The following ARID1B variants were observed in gnomAD, a reference collection of about 807,000 sequenced individuals.
ARID1B encodes AT-rich interactive domain-containing protein 1B.
In ARID1B, 30 loss-of-function variants were observed where a neutral mutation model predicts 212.3. That is an observed-to-expected ratio of 0.14 (90% CI 0.11 to 0.19). ARID1B has a LOEUF of 0.19. Among genes scored for constraint, ARID1B ranks in the 10% least tolerant of loss-of-function variants. The probability of loss-of-function intolerance (pLI) is 1.00; values close to 1 mark genes in which losing one functional copy is unlikely to be tolerated. For missense variants in ARID1B, 2,891 were observed against 3,204.0 expected (o/e 0.90, Z 2.36); for synonymous variants, 1,402 against 1,301.7 (o/e 1.08, Z -1.66).
intron 4 of ARID1B, among the ~76,000 whole-genome samples, chr6:157,080,914 T>C (rs1337473564): frequency 2.0e-5 from 3 of 152,244 alleles, no homozygotes; most frequent in Admixed American, 6.5e-5. Context: ...AGAAGTTAAG[T>C]TATTTTTGGT....
chr6:156,890,379 GA>G (rs894390236), intron 2 of ARID1B, among the ~76,000 whole-genome samples: 14 of 152,042 alleles, frequency 9.2e-5, no homozygotes, highest in African/African-American at 3.1e-4. Flanking sequence ...AATTTGTCAC[GA>G]AAAAGACTTG....
intron 3 of ARID1B, among the ~76,000 whole-genome samples, chr6:156,932,514 A>T (rs1791832765): frequency 6.6e-6 from 1 of 152,262 alleles, no homozygotes; most frequent in African/African-American, 2.4e-5. Context: ...CAAAGATGGC[A>T]GTAATGTTTT....
intron 4 of ARID1B, among the ~76,000 whole-genome samples, chr6:157,033,391 T>TA (rs1171196269): frequency 2.0e-5 from 3 of 152,188 alleles, no homozygotes; most frequent in Admixed American, 2.0e-4. Flanking sequence ...TAGAACTATT[T>TA]AAAAAAATAA....
intron 1 of ARID1B, among the ~76,000 whole-genome samples, chr6:156,815,113 G>A (rs1486007697): frequency 4.6e-5 from 7 of 152,230 alleles, no homozygotes; most frequent in Admixed American, 2.0e-4. Flanking sequence ...AAAATTTCTG[G>A]TCATGGCTTT....
At chr6:156,828,796 T>C (rs9480393) in intron 1 of ARID1B, among the ~76,000 whole-genome samples, 14,726 of 152,310 alleles carry the variant, frequency 0.097, 971 homozygotes, top group East Asian at 0.3. Context: ...GACTCAGTTC[T>C]AAAATAAAAT....
chr6:156,944,573 C>T (rs1183612693), intron 4 of ARID1B, among the ~76,000 whole-genome samples: 1 of 152,148 alleles, frequency 6.6e-6, no homozygotes, highest in Non-Finnish European at 1.5e-5. Context: ...GAAAAAGCTG[C>T]AGGACGCCGA....
intron 1 of ARID1B, among the ~76,000 whole-genome samples, chr6:156,795,370 A>T (rs1780292844): frequency 6.6e-6 from 1 of 152,204 alleles, no homozygotes; most frequent in South Asian, 2.1e-4. Context: ...AGAGAAGGGG[A>T]AATCCAGGCA....
chr6:156,806,553 G>T (rs1273304206), intron 1 of ARID1B, among the ~76,000 whole-genome samples: 2 of 152,222 alleles, frequency 1.3e-5, no homozygotes, highest in Non-Finnish European at 2.9e-5. Flanking sequence ...TTTCCAAAGT[G>T]CTTTTCTTAT....
At chr6:156,998,759 C>A (rs941367599) in intron 4 of ARID1B, among the ~76,000 whole-genome samples, 1 of 152,168 alleles carries the variant, frequency 6.6e-6, no homozygotes, top group Admixed American at 6.5e-5. Flanking sequence ...GTCTGTTTAA[C>A]AATAGTAGGG....
intron 3 of ARID1B, among the ~76,000 whole-genome samples, chr6:156,924,538 C>T (rs554090173): frequency 3.3e-5 from 5 of 152,318 alleles, no homozygotes; most frequent in African/African-American, 4.8e-5. Context: ...GCGCCTGCAA[C>T]GTGGATTGCC....
intron 4 of ARID1B, among the ~76,000 whole-genome samples, chr6:157,014,566 T>C (rs1453760572): frequency 1.3e-5 from 2 of 152,226 alleles, no homozygotes; most frequent in Non-Finnish European, 2.9e-5. Flanking sequence ...TTTGTAATTA[T>C]GTTGCTGTGG....
intron 2 of ARID1B, among the ~76,000 whole-genome samples, chr6:156,889,583 G>A (rs1399801102): frequency 2.0e-5 from 3 of 152,216 alleles, no homozygotes; most frequent in Non-Finnish European, 4.4e-5. Flanking sequence ...CTGTAGTTCA[G>A]TGGGAGAGGA....
chr6:157,006,180 C>T (rs1010834938), intron 4 of ARID1B, among the ~76,000 whole-genome samples: 1 of 152,170 alleles, frequency 6.6e-6, no homozygotes, highest in Non-Finnish European at 1.5e-5. Flanking sequence ...GATCTAGAGA[C>T]CATCTGGAAC....
intron 4 of ARID1B, among the ~76,000 whole-genome samples, chr6:156,962,115 C>G (rs1375391789): frequency 6.6e-6 from 1 of 151,878 alleles, no homozygotes; most frequent in East Asian, 1.9e-4. Flanking sequence ...CTGGCTAACA[C>G]GGTGAAACCT....
At chr6:156,788,316 T>C (rs1236005808) in intron 1 of ARID1B, among the ~76,000 whole-genome samples, 1 of 152,170 alleles carries the variant, frequency 6.6e-6, no homozygotes, top group East Asian at 1.9e-4. Flanking sequence ...AGAATGTGGT[T>C]TTGTACTGAT....
chr6:156,972,831 A>T (rs1013333482), intron 4 of ARID1B, among the ~76,000 whole-genome samples: 1 of 152,178 alleles, frequency 6.6e-6, no homozygotes, highest in East Asian at 1.9e-4. Context: ...CACTTTTTAG[A>T]ATTTTGCTTA....
intron 13 of ARID1B, among the ~76,000 whole-genome samples, chr6:157,187,343 T>C (rs1793043735): frequency 6.6e-6 from 1 of 152,082 alleles, no homozygotes; most frequent in Admixed American, 6.5e-5. Flanking sequence ...GAATTTCTAT[T>C]ATTAGCTGAC....
chr6:157,160,718 C>T (rs984969927), intron 8 of ARID1B, among the ~76,000 whole-genome samples: 1 of 152,224 alleles, frequency 6.6e-6, no homozygotes, highest in Non-Finnish European at 1.5e-5. Flanking sequence ...GCACCACTCT[C>T]GCTTCTTATT....
At chr6:157,026,424 A>G (rs1223704441) in intron 4 of ARID1B, among the ~76,000 whole-genome samples, 1 of 152,220 alleles carries the variant, frequency 6.6e-6, no homozygotes, top group Admixed American at 6.5e-5. Context: ...TAATGTCAAG[A>G]TGTACCCTTG....
Sources: gnomAD v4.1 joint callset for allele counts (sites outside exome capture counted in the v4.1 genomes callset) on GRCh38, gnomAD v4.1.1 for gene constraint, MANE v1.5 for transcripts, NCBI Gene and HGNC (gene_info 2026-07-23, HGNC 2026-07-21) for gene names.